The following ABCA13 variants were observed in gnomAD, a reference collection of about 807,000 sequenced individuals.
The protein encoded by ABCA13 is ATP-binding cassette sub-family A member 13.
ABCA13 carries 476 observed loss-of-function variants against 478.7 expected under a neutral mutation model. The ratio of observed to expected loss-of-function variants is 0.99; its 90% CI spans 0.92 to 1.07. ABCA13 has a LOEUF of 1.07. Among genes scored for constraint, ABCA13 ranks in the 50% least tolerant of loss-of-function variants. The probability of loss-of-function intolerance (pLI) is 0.00; values close to 1 mark genes in which losing one functional copy is unlikely to be tolerated. For synonymous variants in ABCA13, 2,252 were observed against 2,158.9 expected (o/e 1.04, Z -1.20); for missense variants, 6,060 against 5,910.6 (o/e 1.03, Z -0.83).
At chr7:48,458,171 T>C (rs1825870203) in intron 43 of ABCA13, among the ~76,000 whole-genome samples, 2 of 152,252 alleles carry the variant, frequency 1.3e-5, no homozygotes, top group African/African-American at 4.8e-5. Flanking sequence ...TGCCCTCTTA[T>C]GAGTGATAAA....
chr7:48,499,251 G>A, intron 48 of ABCA13, among the ~76,000 whole-genome samples: 2 of 152,184 alleles, frequency 1.3e-5, no homozygotes, highest in Middle Eastern at 6.8e-3. Context: ...TCTTTTAATA[G>A]TTTGTTAGAT....
chr7:48,281,521 A>G, intron 19 of ABCA13, 69 bp downstream of exon 19: 1 of 1,344,784 alleles, frequency 7.4e-7, no homozygotes, highest in Non-Finnish European at 1.0e-6. Flanking sequence ...GGTGTCAGAG[A>G]GATGAGTATA....
At chr7:48,353,758 T>C (rs978553368) in intron 31 of ABCA13, among the ~76,000 whole-genome samples, 2 of 151,922 alleles carry the variant, frequency 1.3e-5, no homozygotes, top group Non-Finnish European at 2.9e-5. Context: ...GATAAAAGGC[T>C]GAAGACCACC....
At chr7:48,412,611 A>G (rs1311778826) in intron 41 of ABCA13, 28 bp downstream of exon 41, 3 of 1,563,200 alleles carry the variant, frequency 1.9e-6, no homozygotes, top group Non-Finnish European at 2.6e-6. Flanking sequence ...GCGTGCTTTA[A>G]TTATTTATGC....
chr7:48,534,857 G>A (rs1833463807), intron 55 of ABCA13, among the ~76,000 whole-genome samples: 2 of 152,074 alleles, frequency 1.3e-5, no homozygotes, highest in Admixed American at 6.6e-5. Context: ...TCCAGAAGTT[G>A]TGATTTTAAA....
intron 58 of ABCA13, among the ~76,000 whole-genome samples, chr7:48,598,049 C>G (rs1585928862): frequency 6.6e-6 from 1 of 152,118 alleles, no homozygotes; most frequent in East Asian, 1.9e-4. Context: ...ATTATAGTAT[C>G]AGATAGAATT....
At position 48,571,562 on chromosome 7, in the gene ABCA13, G is replaced by A. The variant is rs534240157; in HGVS notation, c.14355-8662G>A. Among the ~76,000 whole-genome samples the A allele has an allele frequency of 2.9e-3, 444 of 151,598 alleles. 3 individuals carry two copies. The highest frequency in any genetic ancestry group is 0.01 in the African/African-American group (418 of 41,272). ...TTCTGGCCTCTGTGATGTCTGTTAA[G>A]AAAGCAGCTATTAACCTTCCTGGAG... On this transcript the variant is annotated intron_variant, in intron 55 of 61. Coordinates refer to ENST00000435803, the MANE Select transcript of ABCA13 (RefSeq NM_152701.5).
At chr7:48,252,438 AGAT>A (rs1792714623) in intron 15 of ABCA13, among the ~76,000 whole-genome samples, 1 of 152,204 alleles carries the variant, frequency 6.6e-6, no homozygotes, top group Non-Finnish European at 1.5e-5. Flanking sequence ...ACACAAACCT[AGAT>A]GGTATAGCTT....
intron 55 of ABCA13, among the ~76,000 whole-genome samples, chr7:48,541,544 T>C (rs1286750922): frequency 6.6e-6 from 1 of 151,998 alleles, no homozygotes; most frequent in African/African-American, 2.4e-5. Flanking sequence ...TTCAGAAAAA[T>C]TAAGTGGCTT....
chr7:48,600,941 T>G (rs1310795547), intron 58 of ABCA13, among the ~76,000 whole-genome samples: 1 of 152,194 alleles, frequency 6.6e-6, no homozygotes, highest in East Asian at 1.9e-4. Context: ...TTTCCTTTTC[T>G]TTTGGTCTTC....
At chr7:48,251,628 T>C (rs1198109162) in intron 15 of ABCA13, among the ~76,000 whole-genome samples, 1 of 152,128 alleles carries the variant, frequency 6.6e-6, no homozygotes, top group East Asian at 1.9e-4. Context: ...ACTAGTCTTA[T>C]TAAGAAACGG....
At chr7:48,489,067 A>G (rs1195389204) in intron 47 of ABCA13, among the ~76,000 whole-genome samples, 169 bp from the exon 48 acceptor site, 2 of 152,236 alleles carry the variant, frequency 1.3e-5, no homozygotes, top group Admixed American at 6.5e-5. Flanking sequence ...AAATTAGCAG[A>G]CTAGAATTGA....
At chr7:48,479,398 C>T (rs1202171257) in intron 45 of ABCA13, among the ~76,000 whole-genome samples, 1 of 152,014 alleles carries the variant, frequency 6.6e-6, no homozygotes, top group Non-Finnish European at 1.5e-5. Context: ...CTACCACGCC[C>T]TGCTAATTTT....
chr7:48,232,160 T>TTTTTTTTTTTTTTTTC (rs1789231850), intron 7 of ABCA13, among the ~76,000 whole-genome samples: 2 of 135,230 alleles, frequency 1.5e-5, no homozygotes, highest in African/African-American at 2.6e-5. Context: ...TTTTTTTTTT[T>TTTTTTTTTTTTTTTTC]TTTTAGCTTT....
chr7:48,193,954 T>C (rs1797525703), intron 2 of ABCA13, among the ~76,000 whole-genome samples: 1 of 76,192 alleles, frequency 1.3e-5, no homozygotes, highest in South Asian at 5.3e-4. Flanking sequence ...AATGATGTGA[T>C]CATTATGATT....
rs114524546 is a variant in ABCA13, at chr7:48,643,952, C to G, written c.14943+559C>G. On this transcript the variant is annotated intron_variant, in intron 60 of 61. Coordinates refer to ENST00000435803, the MANE Select transcript of ABCA13 (RefSeq NM_152701.5). ...GGTGACCCGGAGATTCCTATGAACA[C>G]TGAAGTTTGAGAAGCACTGTCTAAA... is the stretch of plus-strand genomic sequence containing the variant. Among the ~76,000 whole-genome samples the G allele has an allele frequency of 7.0e-3, 1,066 of 152,268 alleles. 12 individuals are homozygous for G. The highest frequency in any genetic ancestry group is 0.024 in the African/African-American group (984 of 41,540).
chr7:48,240,759 A>T, intron 9 of ABCA13, 108 bp from the exon 10 acceptor site: 4 of 864,722 alleles, frequency 4.6e-6, no homozygotes, highest in Non-Finnish European at 6.3e-6. Context: ...CAAAAAATAA[A>T]GATTGGCTGT....
At chr7:48,458,321 A>G (rs898933226) in intron 43 of ABCA13, among the ~76,000 whole-genome samples, 1 of 152,190 alleles carries the variant, frequency 6.6e-6, no homozygotes, top group Non-Finnish European at 1.5e-5. Context: ...GTGGTAACCC[A>G]GCACCCATCC....
In ABCA13 at chr7:48,276,333, G is replaced by C. The variant is rs74859514; in HGVS notation, c.6667G>C (p.Ala2223Pro). 124,418 of 1,556,778 alleles carry C rather than the reference G, an allele frequency of 0.08. 5,847 individuals are homozygous for C. The highest frequency in any genetic ancestry group is 0.11 in the Middle Eastern group (626 of 5,840). Residue 2223 changes from alanine (A) to proline (P), a missense_variant, in exon 17 of 62, where the codon GCA (alanine) becomes CCA (proline). Around this residue, in one of 3 missense-constraint regions of ABCA13, gnomAD observed 4,423 missense variants for 4,309.1 expected, o/e 1.03. Coordinates refer to ENST00000435803, the MANE Select transcript of ABCA13 (RefSeq NM_152701.5). ...INNLAGNSQE[A>P]AWNLNDTDLQ... is the part of the protein sequence containing the mutation. ...TAACTTAGCTGGGAATTCTCAGGAA[G>C]CAGCTTGGAACTTAAATGATACTGA...
Sources: gnomAD v4.1 joint callset for allele counts (sites outside exome capture counted in the v4.1 genomes callset) on GRCh38, gnomAD v4.1.1 for gene constraint, gnomAD v4.1.1 regional missense constraint, MANE v1.5 for transcripts, NCBI Gene and HGNC (gene_info 2026-07-23, HGNC 2026-07-21) for gene names.